TMPRSS11F: variants seen among roughly 807,000 people sequenced by gnomAD.
TMPRSS11F encodes the protein transmembrane protease serine 11F.
A neutral mutation model predicts 60.2 loss-of-function variants in TMPRSS11F; 47 were observed. The ratio of observed to expected loss-of-function variants is 0.78; its 90% CI spans 0.62 to 1.00. The LOEUF (loss-of-function observed/expected upper bound fraction) is 1.00. TMPRSS11F is among the 50% of genes least tolerant of loss of function. The pLI is 0.00. For missense variants in TMPRSS11F, 519 were observed against 522.9 expected, an observed-to-expected ratio of 0.99 and a Z score of 0.07; for synonymous variants, 166 against 167.3, an observed-to-expected ratio of 0.99 and a Z score of 0.06.
intron 3 of TMPRSS11F, among the ~76,000 whole-genome samples, chr4:68,076,926 G>T (rs1307601959): frequency 6.6e-6 from 1 of 152,078 alleles, no homozygotes; most frequent in African/African-American, 2.4e-5. Flanking sequence ...AACACTTGCT[G>T]CAAGTGTACA....
At chr4:68,056,832 T>G (rs1723057125) in intron 9 of TMPRSS11F, among the ~76,000 whole-genome samples, 1 of 152,124 alleles carries the variant, frequency 6.6e-6, no homozygotes, top group African/African-American at 2.4e-5. Flanking sequence ...CCTGGCATAA[T>G]AACAGATTCA....
intron 3 of TMPRSS11F, among the ~76,000 whole-genome samples, chr4:68,086,807 C>A (rs1484724942): frequency 6.6e-6 from 1 of 152,056 alleles, no homozygotes; most frequent in African/African-American, 2.4e-5. Flanking sequence ...CATATAACCT[C>A]CATGAATGAA....
At chr4:68,084,849 G>A (rs1380045721) in intron 3 of TMPRSS11F, among the ~76,000 whole-genome samples, 1 of 140,088 alleles carries the variant, frequency 7.1e-6, no homozygotes, top group South Asian at 2.4e-4. Context: ...TCGTCATCTA[G>A]CATTAGGTAT....
intron 3 of TMPRSS11F, among the ~76,000 whole-genome samples, chr4:68,078,072 C>T (rs1723622419): frequency 6.6e-6 from 1 of 152,180 alleles, no homozygotes; most frequent in African/African-American, 2.4e-5. Flanking sequence ...GCACAGCCCT[C>T]CCAGGAAGCG....
intron 3 of TMPRSS11F, among the ~76,000 whole-genome samples, chr4:68,089,352 C>G (rs1375922623): frequency 6.6e-6 from 1 of 152,114 alleles, no homozygotes; most frequent in African/African-American, 2.4e-5. Flanking sequence ...CAAAAGGGTG[C>G]AGTCCTGTCC....
intron 1 of TMPRSS11F, among the ~76,000 whole-genome samples, chr4:68,102,088 G>C (rs1724204088): frequency 6.6e-6 from 1 of 151,954 alleles, no homozygotes; most frequent in Admixed American, 6.6e-5. Context: ...TTTTCTCTCT[G>C]TTTCTGGCTT....
chr4:68,115,439 T>C (rs1356053723), intron 1 of TMPRSS11F, among the ~76,000 whole-genome samples: 1 of 150,274 alleles, frequency 6.7e-6, no homozygotes, highest in Non-Finnish European at 1.5e-5. Flanking sequence ...ATCCTATAGC[T>C]AATATATGCA....
intron 4 of TMPRSS11F, 126 bp downstream of exon 4, chr4:68,073,816 G>T: frequency 1.7e-6 from 1 of 592,272 alleles, no homozygotes. Flanking sequence ...GAAACCTTGG[G>T]CTGCTCAAGA....
intron 9 of TMPRSS11F, among the ~76,000 whole-genome samples, chr4:68,055,966 A>G (rs1723035009): frequency 6.6e-6 from 1 of 152,210 alleles, no homozygotes; most frequent in South Asian, 2.1e-4. Context: ...CATTCAACAG[A>G]TGCAGGAAAA....
chr4:68,062,251 C>T (rs971060582), intron 8 of TMPRSS11F: 1 of 414,824 alleles, frequency 2.4e-6, no homozygotes, highest in Non-Finnish European at 4.6e-6. Flanking sequence ...GGCTCTTTTG[C>T]TAAATTAAAA....
chr4:68,103,690 T>C (rs988474671), intron 1 of TMPRSS11F, among the ~76,000 whole-genome samples: 1 of 152,188 alleles, frequency 6.6e-6, no homozygotes, highest in Non-Finnish European at 1.5e-5. Flanking sequence ...TCTATTTCTA[T>C]GAAGAATGCC....
At chr4:68,070,727 A>G (rs534496038) in intron 5 of TMPRSS11F, among the ~76,000 whole-genome samples, 1 of 152,236 alleles carries the variant, frequency 6.6e-6, no homozygotes, top group African/African-American at 2.4e-5. Flanking sequence ...TAACTCAGCT[A>G]CATTAGATGT....
rs1446071394 is a variant in TMPRSS11F at position 68,094,341 on chromosome 4, T to G, written c.164-3700A>C. Among the ~76,000 whole-genome samples the G allele has an allele frequency of 2.2e-5, 3 of 133,494 alleles. No individual in the cohort carries two copies. The South Asian group carries it at 7.8e-4, about 35-fold the overall frequency. 87.6% of individuals were successfully genotyped at this position (133,494 alleles called of 152,430 possible). ...GCATATTCTCACTCATAGGTGGGAA[T>G]TGAACAATGAGAACACATGGACACA... On this transcript the variant is annotated intron_variant, in intron 2 of 9. Coordinates refer to ENST00000356291, the MANE Select transcript of TMPRSS11F (RefSeq NM_207407.2).
chr4:68,075,619 G>A (rs919811714), intron 3 of TMPRSS11F, among the ~76,000 whole-genome samples: 4 of 152,086 alleles, frequency 2.6e-5, no homozygotes, highest in African/African-American at 9.7e-5. Context: ...AGCACATTAA[G>A]AGAAATAAAA....
intron 2 of TMPRSS11F, among the ~76,000 whole-genome samples, chr4:68,091,781 C>CTCTCTCTCTCTA (rs1553887418): frequency 6.7e-5 from 8 of 118,696 alleles, no homozygotes; most frequent in African/African-American, 2.5e-4. Flanking sequence ...CTCTCTCTCT[C>CTCTCTCTCTCTA]TCTATCTATC....
At chr4:68,125,324 G>A (rs1177645825) in intron 1 of TMPRSS11F, among the ~76,000 whole-genome samples, 1 of 151,714 alleles carries the variant, frequency 6.6e-6, no homozygotes, top group African/African-American at 2.4e-5. Context: ...ATTTTGAGCA[G>A]TAATCAATCA....
intron 2 of TMPRSS11F, among the ~76,000 whole-genome samples, chr4:68,095,634 A>C (rs11945656): frequency 0.39 from 58,591 of 151,940 alleles, 12,941 homozygotes; most frequent in Non-Finnish European, 0.52. Flanking sequence ...GCGGTGGCTC[A>C]TGCCTGTAAT....
At chr4:68,105,687 T>A (rs764147865) in intron 1 of TMPRSS11F, among the ~76,000 whole-genome samples, 4 of 152,220 alleles carry the variant, frequency 2.6e-5, no homozygotes, top group Non-Finnish European at 5.9e-5. Flanking sequence ...CAGTTTATAG[T>A]TAAGAATATT....
chr4:68,064,876 T>C lies in TMPRSS11F; in HGVS notation c.824A>G (p.Asn275Ser), dbSNP rs1243623804. ...CTCATGAAGAATAATTTTCCTCACA[T>C]TTCGTTTCACTGCGGGTGGTGTTAT... ...ATITPPAVKR[N>S]VRKIILHENY... Residue 275 changes from asparagine (N) to serine (S), a missense_variant, in exon 8 of 10, where the codon AAT (asparagine) becomes AGT (serine). Asn to Ser is a conservative substitution (Grantham distance 46). Coordinates refer to ENST00000356291, the MANE Select transcript of TMPRSS11F (RefSeq NM_207407.2). The C allele has an allele frequency of 3.1e-6, 5 of 1,613,976 alleles. No individual in the cohort carries two copies. The highest frequency in any genetic ancestry group is 1.3e-5 in the African/African-American group (1 of 74,942).
Sources: allele counts gnomAD v4.1 joint callset (sites outside exome capture counted in the v4.1 genomes callset), GRCh38; gene constraint gnomAD v4.1.1; transcripts MANE v1.5; gene names NCBI Gene and HGNC (gene_info 2026-07-23, HGNC 2026-07-21).